The following RTTN variants were observed in gnomAD, a reference collection of about 807,000 sequenced individuals.
RTTN encodes the protein rotatin.
Under a neutral mutation model 269.2 loss-of-function variants are expected in RTTN, and 182 were observed. That is an observed-to-expected ratio of 0.68 (90% CI 0.60 to 0.76). The LOEUF (loss-of-function observed/expected upper bound fraction) is 0.76, where lower values mean the gene tolerates loss of function less well. Ranked by LOEUF, RTTN falls within the 30% of genes least tolerant of loss-of-function variation. The probability of loss-of-function intolerance (pLI) is 0.00; values close to 1 mark genes in which losing one functional copy is unlikely to be tolerated. For synonymous variants in RTTN, 1,006 were observed against 963.5 expected, an observed-to-expected ratio of 1.04 and a Z score of -0.82; for missense variants, 2,545 against 2,608.6, an observed-to-expected ratio of 0.98 and a Z score of 0.53.
At chr18:70,186,853 C>T (rs1474589476) in intron 10 of RTTN, among the ~76,000 whole-genome samples, 5 of 152,176 alleles carry the variant, frequency 3.3e-5, no homozygotes, top group African/African-American at 9.7e-5. Flanking sequence ...GAATAACAGA[C>T]ACCAGGGATT....
At position 70,127,497 on chromosome 18, in the gene RTTN, C is replaced by A; in HGVS notation, c.3383+5G>T. The A allele has an allele frequency of 6.2e-7, 1 of 1,612,994 alleles. No individual in the cohort carries two copies. Among genetic ancestry groups the A allele is most frequent in the Non-Finnish European group, 8.5e-7 (1 of 1,179,378 alleles). ...TGAAACTGGCAGCCTTGACCTTACA[C>A]TGACCTGTTTAGTGCGGTGTGCCAA... On this transcript the variant is annotated splice_donor_5th_base_variant and intron_variant, in intron 25 of 48. Transcript: ENST00000640769.
At chr18:70,184,738 G>T (rs1388313419) in intron 10 of RTTN, among the ~76,000 whole-genome samples, 2 of 112,588 alleles carry the variant, frequency 1.8e-5, no homozygotes, top group South Asian at 3.3e-4. Context: ...GTGTGTGTGT[G>T]TGTGTGTGTG....
intron 6 of RTTN, 102 bp downstream of exon 6, chr18:70,197,522 T>C (rs1398789660): frequency 7.0e-6 from 5 of 718,392 alleles, no homozygotes; most frequent in African/African-American, 5.4e-5. Context: ...TTTAAAAACA[T>C]GAGTACAAAG....
Position 70,017,606 on chromosome 18 carries a change from C to T in RTTN, c.6222G>A (p.Leu2074=), listed in dbSNP as rs368522402. Residue 2074 remains leucine, a synonymous_variant, in exon 46 of 49, where the codon CTG becomes CTA. Coordinates refer to ENST00000640769, the MANE Select transcript of RTTN (RefSeq NM_173630.4). The part of the protein sequence containing the change: ...PKGGNKHLSN[L]TILWLKLLLN... ...GGAGTAACTTCAACCAAAGAATAGTCAGATTACTTAGATGTTTATTTCCTC... is the reference window on the plus strand; with the variant it reads ...GGAGTAACTTCAACCAAAGAATAGTTAGATTACTTAGATGTTTATTTCCTC... 1.2e-6 allele frequency: 2 copies of T among 1,613,790 alleles called. No individual in the cohort carries two copies. Among genetic ancestry groups the T allele is most frequent in the Non-Finnish European group, 1.7e-6 (2 of 1,179,776 alleles).
intron 25 of RTTN, among the ~76,000 whole-genome samples, chr18:70,125,017 A>G (rs1384818328): frequency 2.6e-5 from 4 of 152,082 alleles, no homozygotes; most frequent in Non-Finnish European, 4.4e-5. Context: ...TTTTCTTAAA[A>G]TAAGTTTCCA....
chr18:70,075,935 TTA>T (rs374918820), intron 32 of RTTN, among the ~76,000 whole-genome samples: 488 of 152,204 alleles, frequency 3.2e-3, no homozygotes, highest in Middle Eastern at 0.014. Context: ...GGTCCATATA[TTA>T]TGTTCAGAAT....
At chr18:70,040,387 T>C (rs2057305631) in intron 40 of RTTN, among the ~76,000 whole-genome samples, 1 of 152,184 alleles carries the variant, frequency 6.6e-6, no homozygotes, top group Non-Finnish European at 1.5e-5. Flanking sequence ...AAGATCATTA[T>C]ATAATGATAA....
At position 70,139,585 on chromosome 18, in the gene RTTN, T is replaced by A. The variant is rs1303084912; in HGVS notation, c.2788+14A>T. The A allele has an allele frequency of 6.8e-7, 1 of 1,478,018 alleles. No homozygotes were observed. The highest frequency in any genetic ancestry group is 1.4e-5 in the African/African-American group (1 of 71,366). The allele number at this position is 1,478,018 out of a possible 1,614,324, so 91.6% of individuals were successfully genotyped here. A position where few individuals can be genotyped will look rare whatever the true frequency, so the allele number is the denominator to read the frequency against. ...AAGAACAATCTAATTATTAGCAGAT[T>A]TTCTTTTATTTACCTCTGAATAACA... On this transcript the variant is annotated intron_variant, in intron 21 of 48. Coordinates refer to ENST00000640769, the MANE Select transcript of RTTN (RefSeq NM_173630.4).
intron 47 of RTTN, chr18:70,006,147 G>T: frequency 2.6e-6 from 1 of 386,892 alleles, no homozygotes. Flanking sequence ...AGAGGAAAAA[G>T]TCAGTTCAGA....
chr18:70,090,273 TGCTG>T lies in RTTN; in HGVS notation c.4143+1833_4143+1836del, dbSNP rs544198442. 2.1e-3 allele frequency among the ~76,000 whole-genome samples: 319 copies of T among 152,306 alleles called. 1 individual carries two copies. Among genetic ancestry groups the T allele is most frequent in the African/African-American group, 7.6e-3 (315 of 41,570 alleles). Reference sequence around the variant, plus strand: ...AGTAGATGCCTGAAACCACAGATAGTGCTGAGCCCTATAACTACTATGTTTTCTC... The same window carrying T: ...AGTAGATGCCTGAAACCACAGATAGTAGCCCTATAACTACTATGTTTTCTC... On this transcript the variant is annotated intron_variant, in intron 30 of 48. Coordinates refer to ENST00000640769, the MANE Select transcript of RTTN (RefSeq NM_173630.4).
chr18:70,129,691 A>T (rs1386737865), intron 23 of RTTN: 1 of 152,058 alleles, frequency 6.6e-6, no homozygotes, highest in Non-Finnish European at 1.5e-5. Flanking sequence ...AACATTAGAG[A>T]AATGCTTCAG....
chr18:70,162,063 G>A (rs540378626), intron 14 of RTTN, among the ~76,000 whole-genome samples: 1 of 152,264 alleles, frequency 6.6e-6, no homozygotes, highest in East Asian at 1.9e-4. Flanking sequence ...GAACCCAGAT[G>A]TTCACTGCAG....
At chr18:70,050,282 TC>T (rs1285516551) in intron 39 of RTTN, among the ~76,000 whole-genome samples, 1 of 152,014 alleles carries the variant, frequency 6.6e-6, no homozygotes, top group Non-Finnish European at 1.5e-5. Context: ...CAGACACTTC[TC>T]AAAAGATGAC....
At chr18:70,109,859 T>C in intron 27 of RTTN, 142 bp from the exon 28 acceptor site, 2 of 642,706 alleles carry the variant, frequency 3.1e-6, no homozygotes, top group South Asian at 3.9e-5. Context: ...ATAGTCTCTA[T>C]CAAAATGAGA....
chr18:70,007,274 G>A (rs1167176401), intron 46 of RTTN: 3 of 152,830 alleles, frequency 2.0e-5, no homozygotes, highest in African/African-American at 7.2e-5. Context: ...CAGACCAGGA[G>A]ATTCCCTTGG....
intron 14 of RTTN, 108 bp from the exon 15 acceptor site, chr18:70,150,841 T>C (rs1010630795): frequency 5.6e-5 from 45 of 803,226 alleles, no homozygotes; most frequent in African/African-American, 1.6e-4. Flanking sequence ...TTTTACTTCA[T>C]TGAAACTTTT....
At chr18:70,014,911 C>G (rs2056494369) in intron 46 of RTTN, among the ~76,000 whole-genome samples, 1 of 152,196 alleles carries the variant, frequency 6.6e-6, no homozygotes, top group Non-Finnish European at 1.5e-5. Context: ...TTTCTATATA[C>G]TTCTTACTTG....
At position 70,005,193 on chromosome 18, in the gene RTTN, C is replaced by T; in HGVS notation, c.6595+5G>A. 6.3e-7 allele frequency: 1 copy of T among 1,599,944 alleles called. No individual in the cohort carries two copies. Among genetic ancestry groups the T allele is most frequent in the Non-Finnish European group, 8.5e-7 (1 of 1,171,906 alleles). On this transcript the variant is annotated splice_donor_5th_base_variant and intron_variant, in intron 48 of 48. Coordinates refer to ENST00000640769, the MANE Select transcript of RTTN (RefSeq NM_173630.4). ...AACTATAATCTCTTTCTTATTGCAA[C>T]TTACTTTTCTTTGCTAAGGAGTATG... is the stretch of plus-strand genomic sequence containing the variant.
chr18:70,149,535 C>CT (rs869242205), intron 16 of RTTN, among the ~76,000 whole-genome samples: 1 of 37,556 alleles, frequency 2.7e-5, no homozygotes, highest in African/African-American at 4.4e-5. Flanking sequence ...AGAAGGATTG[C>CT]TTTTTTAAAA....
Sources: allele counts gnomAD v4.1 joint callset (sites outside exome capture counted in the v4.1 genomes callset), GRCh38; gene constraint gnomAD v4.1.1; transcripts MANE v1.5; gene names NCBI Gene and HGNC (gene_info 2026-07-23, HGNC 2026-07-21).